Variants in THTPA observed in about 807,000 individuals in gnomAD.
THTPA encodes the protein thiamine triphosphatase.
Under a neutral mutation model 16.5 loss-of-function variants are expected in THTPA, and 16 were observed. The ratio of observed to expected loss-of-function variants is 0.97; its 90% CI spans 0.66 to 1.47. The LOEUF (loss-of-function observed/expected upper bound fraction) is 1.47, where lower values mean the gene tolerates loss of function less well. THTPA is among the 40% of genes most tolerant of loss of function. THTPA has a pLI of 0.00. For synonymous variants in THTPA, 110 were observed against 115.5 expected, an observed-to-expected ratio of 0.95 and a Z score of 0.30; for missense variants, 281 against 280.9, an observed-to-expected ratio of 1.00 and a Z score of 0.00.
the THTPA span, chr14:23,523,798 C>T: frequency 2.6e-6 from 4 of 1,536,122 alleles, no homozygotes; most frequent in South Asian, 4.8e-5. The surrounding 1 kb of genome is among the most constrained non-coding windows in gnomAD (Gnocchi z 4.1). Flanking sequence ...CCCCACTGGT[C>T]CCTCCAGCCC....
upstream of THTPA, among the ~76,000 whole-genome samples, chr14:23,552,948 G>A (rs187176846): frequency 6.6e-6 from 1 of 152,224 alleles, no homozygotes; most frequent in Admixed American, 6.5e-5. Context: ...GAATGCACAG[G>A]GACAGTTCCA....
Position 23,560,205 on chromosome 14 carries a change from C to G in THTPA, c.*1365C>G. On this transcript the variant is annotated 3_prime_UTR_variant, in exon 2 of 2. Coordinates refer to ENST00000288014, the MANE Select transcript of THTPA (RefSeq NM_024328.6). ...CCACCCACCTCCTCCACTTAGTGGCCTTTTCTCCTGGAGTCCCCAGGCCAC... is the reference window on the plus strand; with the variant it reads ...CCACCCACCTCCTCCACTTAGTGGCGTTTTCTCCTGGAGTCCCCAGGCCAC... The G allele has an allele frequency of 6.2e-7, 1 of 1,600,560 alleles. No individual in the cohort carries two copies. The highest frequency in any genetic ancestry group is 8.5e-7 in the Non-Finnish European group (1 of 1,171,578).
chr14:23,536,984 A>G, the THTPA span, among the ~76,000 whole-genome samples: 1 of 152,140 alleles, frequency 6.6e-6, no homozygotes, highest in South Asian at 2.1e-4. Context: ...CTAAAAATAC[A>G]AAGAAATTAG....
In THTPA at chr14:23,560,223, C is replaced by T; in HGVS notation, c.*1383C>T. On this transcript the variant is annotated 3_prime_UTR_variant, in exon 2 of 2. Coordinates refer to ENST00000288014, the MANE Select transcript of THTPA (RefSeq NM_024328.6). ...TAGTGGCCTTTTCTCCTGGAGTCCC[C>T]AGGCCACCTCTGAACTCTGATCTTT... The T allele has an allele frequency of 6.2e-7, 1 of 1,609,940 alleles. No individual in the cohort carries two copies. The highest frequency in any genetic ancestry group is 8.5e-7 in the Non-Finnish European group (1 of 1,178,162).
At chr14:23,528,200 C>T in the THTPA span, among the ~76,000 whole-genome samples, 3 of 152,218 alleles carry the variant, frequency 2.0e-5, no homozygotes, top group Non-Finnish European at 2.9e-5. Flanking sequence ...TGAGCCACCA[C>T]GCTTGGCCTC....
the THTPA span, chr14:23,532,617 G>C: frequency 6.9e-7 from 1 of 1,458,528 alleles, no homozygotes; most frequent in South Asian, 1.4e-5. Flanking sequence ...GCATGCAGCT[G>C]CATCTTCTCC....
chr14:23,521,814 G>C, the THTPA span: 9 of 1,363,958 alleles, frequency 6.6e-6, no homozygotes, highest in Non-Finnish European at 7.7e-6. Flanking sequence ...GGGGTGTGTG[G>C]TGCCCACTGA....
chr14:23,541,163 C>T, the THTPA span, among the ~76,000 whole-genome samples: 2 of 152,082 alleles, frequency 1.3e-5, no homozygotes, highest in East Asian at 1.9e-4. Context: ...GCCTTGGCCT[C>T]CCCAAGTGCT....
At chr14:23,525,831 C>A in the THTPA span, 1 of 1,457,048 alleles carries the variant, frequency 6.9e-7, no homozygotes, top group South Asian at 1.4e-5. The surrounding 1 kb of genome is among the most constrained non-coding windows in gnomAD (Gnocchi z 5.9). Context: ...ACCTTGAGAT[C>A]GTGGAGGTAG....
At chr14:23,534,172 A>C in the THTPA span, 1 of 1,473,720 alleles carries the variant, frequency 6.8e-7, no homozygotes, top group Non-Finnish European at 9.0e-7. This position sits in a 1 kb window ranked among gnomAD's most constrained non-coding sequence, Gnocchi z 4.5. Flanking sequence ...TGGGGGGCAG[A>C]GCCCTCCATC....
chr14:23,520,328 G>A, the THTPA span, among the ~76,000 whole-genome samples: 2 of 151,940 alleles, frequency 1.3e-5, no homozygotes, highest in Non-Finnish European at 2.9e-5. This position sits in a 1 kb window ranked among gnomAD's most constrained non-coding sequence, Gnocchi z 8.7. Context: ...AGCAAGGGCA[G>A]AGGACAAGGG....
At chr14:23,532,570 A>G in the THTPA span, 11 of 1,439,186 alleles carry the variant, frequency 7.6e-6, no homozygotes, top group Non-Finnish European at 9.1e-6. Flanking sequence ...GCCTCACCTT[A>G]TAGATTTGGC....
the THTPA span, among the ~76,000 whole-genome samples, chr14:23,516,878 T>C: frequency 2.0e-5 from 3 of 152,204 alleles, no homozygotes; most frequent in Non-Finnish European, 2.9e-5. Flanking sequence ...GGAGGACTTG[T>C]AGATATGGGG....
chr14:23,532,862 C>A, the THTPA span: 1 of 1,536,218 alleles, frequency 6.5e-7, no homozygotes, highest in Non-Finnish European at 8.7e-7. Flanking sequence ...GTGGGTGTCA[C>A]CAGCCACCTC....
chr14:23,533,815 C>A, the THTPA span: 1 of 1,544,376 alleles, frequency 6.5e-7, no homozygotes, highest in Non-Finnish European at 8.7e-7. The surrounding 1 kb of genome is among the most constrained non-coding windows in gnomAD (Gnocchi z 4.8). Flanking sequence ...GGGTTTGTAG[C>A]CACAGTTGTA....
Position 23,560,262 on chromosome 14 carries a change from A to T in THTPA, c.*1422A>T. 1.2e-6 allele frequency: 2 copies of T among 1,613,466 alleles called. No homozygotes were observed. The highest frequency in any genetic ancestry group is 1.7e-6 in the Non-Finnish European group (2 of 1,180,004). ...ACTCTGATCTTTACAAACCTTGGGC[A>T]CAGCAGCCTGGCAGATGAAATGGGT... On this transcript the variant is annotated 3_prime_UTR_variant, in exon 2 of 2. Coordinates refer to ENST00000288014, the MANE Select transcript of THTPA (RefSeq NM_024328.6).
the THTPA span, chr14:23,530,680 ATTAAAGTG>A: frequency 5.8e-6 from 2 of 344,532 alleles, no homozygotes; most frequent in African/African-American, 4.3e-5. Context: ...TGGCAGCCTA[ATTAAAGTG>A]TTAAAGTTCC....
the THTPA span, chr14:23,532,986 G>T: frequency 6.5e-7 from 1 of 1,536,222 alleles, no homozygotes; most frequent in South Asian, 1.2e-5. Context: ...TTCAGGGACA[G>T]GCTGTCGTCT....
chr14:23,545,509 T>C, the THTPA span, among the ~76,000 whole-genome samples: 1 of 152,218 alleles, frequency 6.6e-6, no homozygotes, highest in Non-Finnish European at 1.5e-5. Context: ...CACCTTTGAC[T>C]CCTATCTCTG....
Sources: gnomAD v4.1 joint callset for allele counts (sites outside exome capture counted in the v4.1 genomes callset) on GRCh38, gnomAD v4.1.1 for gene constraint, Gnocchi (gnomAD v3.1) non-coding constraint, MANE v1.5 for transcripts, NCBI Gene and HGNC (gene_info 2026-07-23, HGNC 2026-07-21) for gene names.